CMSS1: variants seen among roughly 807,000 people sequenced by gnomAD.
The protein encoded by CMSS1 is cms1 ribosomal small subunit homolog, also known as protein CMSS1.
A neutral mutation model predicts 43.5 loss-of-function variants in CMSS1; 33 were observed. The observed-to-expected ratio is 0.76, with a 90% CI of 0.57 to 1.01. The LOEUF (loss-of-function observed/expected upper bound fraction) is 1.01. Ranked by LOEUF, CMSS1 falls within the 50% of genes least tolerant of loss-of-function variation. The pLI, the probability that CMSS1 is intolerant of heterozygous loss-of-function variation, is 0.00. For missense variants in CMSS1, 313 were observed against 326.4 expected (o/e 0.96, Z 0.32); for synonymous variants, 115 against 117.2 (o/e 0.98, Z 0.12).
rs1943551782 is a variant in CMSS1 at position 99,849,520 on chromosome 3, A to G, written c.64+31477A>G. 1.9e-6 allele frequency: 3 copies of G among 1,613,066 alleles called. No individual in the cohort carries two copies. The South Asian group carries it at 3.3e-5, about 18-fold the overall frequency. On this transcript the variant is annotated intron_variant, in intron 1 of 9. Transcript: ENST00000421999. The stretch of plus-strand genomic sequence containing the variant: ...ATGAATTTTCTCTTTTAATGCATCC[A>G]CTTCTCTTGAGAGGTGCCCTGACTT...
intron 1 of CMSS1, among the ~76,000 whole-genome samples, chr3:99,843,812 A>G (rs1267677232): frequency 6.6e-6 from 1 of 152,144 alleles, no homozygotes; most frequent in Non-Finnish European, 1.5e-5. Flanking sequence ...GTGGCAGGCA[A>G]GCGAGCATTA....
intron 1 of CMSS1, among the ~76,000 whole-genome samples, chr3:99,934,126 C>A (rs1214595896): frequency 6.6e-6 from 1 of 152,208 alleles, no homozygotes; most frequent in Non-Finnish European, 1.5e-5. Flanking sequence ...ATGGTGGTCT[C>A]AGGATAACAT....
rs367809134 is a variant in CMSS1 at position 99,848,652 on chromosome 3, A to G, written c.64+30609A>G. Reference sequence around the variant, plus strand: ...CCTGCTCAGGAGAGCTAGCTGAACCAGTCACAGCCAAAACCTGAATAGGGG... The same window carrying G: ...CCTGCTCAGGAGAGCTAGCTGAACCGGTCACAGCCAAAACCTGAATAGGGG... On this transcript the variant is annotated intron_variant, in intron 1 of 9. Transcript: ENST00000421999. The G allele has an allele frequency of 5.0e-6, 8 of 1,614,084 alleles. No individual in the cohort carries two copies. The African/African-American group carries it at 1.1e-4, about 22-fold the overall frequency.
chr3:99,973,930 T>C (rs912960729), intron 1 of CMSS1, among the ~76,000 whole-genome samples: 2 of 152,226 alleles, frequency 1.3e-5, no homozygotes, highest in Admixed American at 1.3e-4. Context: ...AGATCTTGCA[T>C]TGTTTTCTGT....
intron 1 of CMSS1, among the ~76,000 whole-genome samples, chr3:99,975,806 G>A (rs1708952521): frequency 6.6e-6 from 1 of 152,222 alleles, no homozygotes; most frequent in Non-Finnish European, 1.5e-5. Context: ...ATGTTGAGTT[G>A]TAGAAGGAAA....
At chr3:99,862,172 A>C (rs573224025) in intron 1 of CMSS1, among the ~76,000 whole-genome samples, 1 of 152,272 alleles carries the variant, frequency 6.6e-6, no homozygotes, top group Non-Finnish European at 1.5e-5. Context: ...ATATATAAAA[A>C]CATCATGTTA....
Position 99,994,898 on chromosome 3 carries a change from C to T in CMSS1, c.65-152075C>T, listed in dbSNP as rs138248427. On this transcript the variant is annotated intron_variant, in intron 1 of 9. Coordinates refer to ENST00000421999, the MANE Select transcript of CMSS1 (RefSeq NM_032359.4). ...CTTCATGATTCAAATTATCTCCCACCGGGTCCCTCCCACAACACATGGGAA... is the reference window on the plus strand; with the variant it reads ...CTTCATGATTCAAATTATCTCCCACTGGGTCCCTCCCACAACACATGGGAA... Among the ~76,000 whole-genome samples the T allele has an allele frequency of 8.4e-4, 128 of 152,220 alleles. 1 individual carries two copies. In the East Asian group the frequency reaches 0.022, roughly 26 times the overall value.
chr3:99,872,917 CTT>C (rs74418095), intron 1 of CMSS1, among the ~76,000 whole-genome samples: 4 of 143,480 alleles, frequency 2.8e-5, no homozygotes, highest in Admixed American at 7.0e-5. Flanking sequence ...AATCTCAAGT[CTT>C]TTTTTTTTTT....
At chr3:99,997,193 G>C (rs1709709384) in intron 1 of CMSS1, among the ~76,000 whole-genome samples, 1 of 152,094 alleles carries the variant, frequency 6.6e-6, no homozygotes, top group South Asian at 2.1e-4. Context: ...TTCTTTGAAA[G>C]GATAAACAAA....
chr3:99,854,093 G>A (rs986857559), intron 1 of CMSS1, among the ~76,000 whole-genome samples: 1 of 152,148 alleles, frequency 6.6e-6, no homozygotes, highest in Non-Finnish European at 1.5e-5. Flanking sequence ...ACCCTAAATC[G>A]TTATTTCTTG....
At chr3:99,897,132 G>C (rs561436834) in intron 1 of CMSS1, among the ~76,000 whole-genome samples, 2 of 152,248 alleles carry the variant, frequency 1.3e-5, no homozygotes, top group South Asian at 4.1e-4. Flanking sequence ...GCAGAGGTGG[G>C]CAGATCACTT....
chr3:100,095,186 C>A (rs2066183298), intron 1 of CMSS1, among the ~76,000 whole-genome samples: 1 of 152,142 alleles, frequency 6.6e-6, no homozygotes, highest in African/African-American at 2.4e-5. Flanking sequence ...ACTTTCTCTT[C>A]TTTTTCAACA....
chr3:100,043,536 C>G (rs1352422804), intron 1 of CMSS1, among the ~76,000 whole-genome samples: 1 of 152,166 alleles, frequency 6.6e-6, no homozygotes. Flanking sequence ...GGCTCCACCC[C>G]ATCCTACCAT....
intron 8 of CMSS1, among the ~76,000 whole-genome samples, chr3:100,174,399 T>C (rs1206218524): frequency 6.6e-6 from 1 of 151,968 alleles, no homozygotes; most frequent in Non-Finnish European, 1.5e-5. Context: ...CTCTTCTCTG[T>C]ATTTAAAAGA....
chr3:100,001,442 A>T (rs1709839752), intron 1 of CMSS1, among the ~76,000 whole-genome samples: 1 of 152,228 alleles, frequency 6.6e-6, no homozygotes, highest in African/African-American at 2.4e-5. Flanking sequence ...TAGTTGATCA[A>T]AAAGATTATA....
intron 1 of CMSS1, among the ~76,000 whole-genome samples, chr3:100,108,638 A>G (rs2066433741): frequency 6.6e-6 from 1 of 152,162 alleles, no homozygotes; most frequent in East Asian, 1.9e-4. Context: ...ATTGCCCTGT[A>G]TCTAGATGCT....
At chr3:100,149,204 A>T (rs2066881191) in intron 2 of CMSS1, among the ~76,000 whole-genome samples, 1 of 152,142 alleles carries the variant, frequency 6.6e-6, no homozygotes, top group Non-Finnish European at 1.5e-5. Flanking sequence ...TAATACTGTT[A>T]CTGTATAAGG....
chr3:99,824,090 C>T (rs1942491706), intron 1 of CMSS1, among the ~76,000 whole-genome samples: 1 of 151,960 alleles, frequency 6.6e-6, no homozygotes, highest in African/African-American at 2.4e-5. Flanking sequence ...ACCCAGCTAA[C>T]TTTTGTATAT....
intron 1 of CMSS1, among the ~76,000 whole-genome samples, chr3:99,961,622 G>C (rs1039777788): frequency 7.2e-5 from 11 of 152,070 alleles, no homozygotes; most frequent in African/African-American, 2.7e-4. Flanking sequence ...AGCTGGAAAG[G>C]CTCCTGGGAA....
Sources: gnomAD v4.1 joint callset for allele counts (sites outside exome capture counted in the v4.1 genomes callset) on GRCh38, gnomAD v4.1.1 for gene constraint, MANE v1.5 for transcripts, NCBI Gene and HGNC (gene_info 2026-07-23, HGNC 2026-07-21) for gene names.